Variants in ANKRD13C observed in about 807,000 individuals in gnomAD.
ANKRD13C encodes the protein ankyrin repeat domain 13C, also known as ankyrin repeat domain-containing protein 13C.
Under a neutral mutation model 65.5 loss-of-function variants are expected in ANKRD13C, and 16 were observed. That is an observed-to-expected ratio of 0.24 (90% CI 0.17 to 0.37). The LOEUF is 0.37. Among genes scored for constraint, ANKRD13C ranks in the 10% least tolerant of loss-of-function variants. ANKRD13C has a pLI of 1.00. For missense variants in ANKRD13C, 503 were observed against 655.9 expected (o/e 0.77, Z 2.55); for synonymous variants, 235 against 238.7 (o/e 0.98, Z 0.14).
intron 12 of ANKRD13C, among the ~76,000 whole-genome samples, chr1:70,268,381 C>T (rs1459275532): frequency 3.9e-5 from 6 of 152,136 alleles, no homozygotes; most frequent in Admixed American, 6.5e-5. Flanking sequence ...AGGCTGGTCT[C>T]GAACTCCTGA....
At chr1:70,306,068 G>GT (rs1193327854) in intron 6 of ANKRD13C, 156 bp downstream of exon 6, 2 of 413,234 alleles carry the variant, frequency 4.8e-6, no homozygotes, top group Non-Finnish European at 8.5e-6. Context: ...TATGTCTTTG[G>GT]TTTTTTATCT....
chr1:70,292,570 T>G (rs779692426), intron 8 of ANKRD13C, 21 bp from the exon 9 acceptor site: 1 of 1,560,398 alleles, frequency 6.4e-7, no homozygotes, highest in South Asian at 1.2e-5. Flanking sequence ...ACCAAATATT[T>G]AAAAGTAAAA....
chr1:70,284,936 C>T (rs1679550773), intron 9 of ANKRD13C, among the ~76,000 whole-genome samples: 1 of 152,064 alleles, frequency 6.6e-6, no homozygotes, highest in South Asian at 2.1e-4. Flanking sequence ...TCATTTTTAA[C>T]CTGCAGAAGC....
chr1:70,262,983 A>G, intron 12 of ANKRD13C, 136 bp from the exon 13 acceptor site: 2 of 747,520 alleles, frequency 2.7e-6, no homozygotes, highest in Non-Finnish European at 4.1e-6. Flanking sequence ...AGAAGAATTC[A>G]AATATATGTA....
intron 3 of ANKRD13C, among the ~76,000 whole-genome samples, chr1:70,318,614 T>A (rs1179110828): frequency 6.6e-6 from 1 of 152,006 alleles, no homozygotes; most frequent in Non-Finnish European, 1.5e-5. Flanking sequence ...GACCTTAGAG[T>A]TACTCTGAAT....
intron 9 of ANKRD13C, 53 bp from the exon 10 acceptor site, chr1:70,276,897 AT>A: frequency 1.5e-6 from 2 of 1,355,848 alleles, no homozygotes; most frequent in East Asian, 2.3e-5. Flanking sequence ...GAAAGATGTT[AT>A]TTTTTAAATA....
chr1:70,304,577 T>C (rs1311870313), intron 6 of ANKRD13C, among the ~76,000 whole-genome samples: 1 of 152,004 alleles, frequency 6.6e-6, no homozygotes, highest in Non-Finnish European at 1.5e-5. Context: ...TTAATATTTT[T>C]TTGTAAAGAT....
At chr1:70,336,649 C>T (rs1682047398) in intron 1 of ANKRD13C, among the ~76,000 whole-genome samples, 1 of 152,158 alleles carries the variant, frequency 6.6e-6, no homozygotes, top group Admixed American at 6.5e-5. Flanking sequence ...TGTTAGAAAT[C>T]TGTAGGCGAA....
intron 1 of ANKRD13C, among the ~76,000 whole-genome samples, chr1:70,347,006 GGTGTGAA>G (rs1287684508): frequency 6.7e-6 from 1 of 149,874 alleles, no homozygotes; most frequent in Admixed American, 6.7e-5. Context: ...GCAGGAGAAT[GGTGTGAA>G]CCGGGGAGGC....
At chr1:70,292,572 A>G (rs1319821615) in intron 8 of ANKRD13C, 23 bp from the exon 9 acceptor site, 1 of 1,560,152 alleles carries the variant, frequency 6.4e-7, no homozygotes, top group Non-Finnish European at 8.6e-7. Context: ...CAAATATTTA[A>G]AAGTAAAATT....
chr1:70,345,081 T>C (rs866720882), intron 1 of ANKRD13C, among the ~76,000 whole-genome samples: 5 of 152,186 alleles, frequency 3.3e-5, no homozygotes, highest in African/African-American at 1.2e-4. Context: ...TGGGAGTATT[T>C]TAATAACCTT....
chr1:70,307,563 G>A (rs1229635955), intron 5 of ANKRD13C, among the ~76,000 whole-genome samples: 1 of 152,094 alleles, frequency 6.6e-6, no homozygotes, highest in Non-Finnish European at 1.5e-5. Flanking sequence ...CTGAATTTTA[G>A]TGCAAAAATA....
At chr1:70,276,637 A>T in intron 10 of ANKRD13C, 128 bp downstream of exon 10, 1 of 767,166 alleles carries the variant, frequency 1.3e-6, no homozygotes, top group East Asian at 2.8e-5. Context: ...AGGTAGAAGA[A>T]TTGCTTCAGT....
rs762975507 is a variant in ANKRD13C, at chr1:70,274,831, GA to G, written c.1296-14del. ...CAGATGAGGAGCTCTAAAATGGGAG[GA>G]AAAAAAATGTTAGGAAACTTTTTCC... On this transcript the variant is annotated splice_polypyrimidine_tract_variant and intron_variant, in intron 10 of 12. Transcript: ENST00000370944. 1.7e-5 allele frequency: 27 copies of G among 1,563,968 alleles called. No homozygotes were observed. The highest frequency in any genetic ancestry group is 1.7e-4 in the Middle Eastern group (1 of 5,940).
At chr1:70,268,548 A>G (rs1248147590) in intron 12 of ANKRD13C, among the ~76,000 whole-genome samples, 1 of 152,218 alleles carries the variant, frequency 6.6e-6, no homozygotes, top group Non-Finnish European at 1.5e-5. Flanking sequence ...GAGGGGCGCC[A>G]CTTCCAGTGA....
At chr1:70,343,556 A>G (rs1682398959) in intron 1 of ANKRD13C, among the ~76,000 whole-genome samples, 1 of 152,164 alleles carries the variant, frequency 6.6e-6, no homozygotes, top group African/African-American at 2.4e-5. Context: ...GCTTTTAGGT[A>G]GGTTTGTTTG....
In ANKRD13C at chr1:70,292,535, G is replaced by T. The variant is rs371532355; in HGVS notation, c.1068C>A (p.Asn356Lys). 1.3e-6 allele frequency: 2 copies of T among 1,593,448 alleles called. No homozygotes were observed. Among genetic ancestry groups the T allele is most frequent in the Non-Finnish European group, 1.7e-6 (2 of 1,175,040 alleles). Reference protein sequence around the residue: ...FREDKTERVGNFLADFYLVNG... With the variant: ...FREDKTERVGKFLADFYLVNG... ...TCACCAGGTAAAAGTCTGCCAAAAA[G>T]TTTCCTACTCTTTCCTAAAACAAAA... The change falls in exon 9 of 13, where the codon AAC becomes AAA. Residue 356 changes from asparagine (N) to lysine (K), a missense_variant. Asn to Lys is a moderately conservative substitution (Grantham distance 94, BLOSUM62 0). Coordinates refer to ENST00000370944, the MANE Select transcript of ANKRD13C (RefSeq NM_030816.5).
intron 3 of ANKRD13C, among the ~76,000 whole-genome samples, chr1:70,322,908 CT>C (rs1464208442): frequency 3.3e-5 from 5 of 152,098 alleles, no homozygotes; most frequent in African/African-American, 1.2e-4. Context: ...AGGAGAATTG[CT>C]TCAACCCGGG....
At chr1:70,341,202 C>T (rs529239139) in intron 1 of ANKRD13C, among the ~76,000 whole-genome samples, 8 of 152,216 alleles carry the variant, frequency 5.3e-5, no homozygotes, top group African/African-American at 1.9e-4. Flanking sequence ...TCACTTTCAA[C>T]TTTTTAACGT....
Sources: allele counts gnomAD v4.1 joint callset (sites outside exome capture counted in the v4.1 genomes callset), GRCh38; gene constraint gnomAD v4.1.1; transcripts MANE v1.5; gene names NCBI Gene and HGNC (gene_info 2026-07-23, HGNC 2026-07-21).